The following ATP10A variants were observed in gnomAD, a reference collection of about 807,000 sequenced individuals.
ATP10A encodes phospholipid-transporting ATPase VA.
Under a neutral mutation model 147.8 loss-of-function variants are expected in ATP10A, and 111 were observed. That is an observed-to-expected ratio of 0.75 (90% CI 0.64 to 0.88). ATP10A has a LOEUF of 0.88. Ranked by LOEUF, ATP10A falls within the 40% of genes least tolerant of loss-of-function variation. ATP10A has a pLI of 0.00. For synonymous variants in ATP10A, 875 were observed against 841.6 expected (o/e 1.04, Z -0.69); for missense variants, 1,927 against 1,959.0 (o/e 0.98, Z 0.31).
Position 25,716,920 on chromosome 15 carries a change from T to C in ATP10A, c.1586A>G (p.Lys529Arg), listed in dbSNP as rs1304843153. The change falls in exon 9 of 21, where the codon AAG (lysine) becomes AGG (arginine). Residue 529 changes from lysine (K) to arginine (R), a missense_variant. Physicochemically the swap from Lys to Arg is conservative, Grantham distance 26. Coordinates refer to ENST00000555815, the MANE Select transcript of ATP10A (RefSeq NM_024490.4). ...CAGCTTTGGGTCGGGCGTGATATCCTTCTCCTGGGAGAAAGGGAGGCTGGC... is the reference window on the plus strand; with the variant it reads ...CAGCTTTGGGTCGGGCGTGATATCCCTCTCCTGGGAGAAAGGGAGGCTGGC... Reference protein sequence around the residue: ...KHTAFSSPMEKDITPDPKLLE... With the variant: ...KHTAFSSPMERDITPDPKLLE... 5 of 1,562,466 alleles carry C rather than the reference T, an allele frequency of 3.2e-6. No homozygotes were observed. Among genetic ancestry groups the C allele is most frequent in the Non-Finnish European group, 4.3e-6 (5 of 1,151,030 alleles).
chr15:25,682,575 G>A (rs1035103514), intron 17 of ATP10A, among the ~76,000 whole-genome samples: 3 of 152,186 alleles, frequency 2.0e-5, no homozygotes, highest in African/African-American at 7.2e-5. Flanking sequence ...GCCTGGCCAA[G>A]GATGGGAACT....
rs534429666 is a variant in ATP10A, at chr15:25,760,004, G to A, written c.654+21015C>T. 6.0e-5 allele frequency among the ~76,000 whole-genome samples: 9 copies of A among 149,864 alleles called. No homozygotes were observed. In the South Asian group the frequency reaches 6.3e-4, roughly 11 times the overall value. On this transcript the variant is annotated intron_variant, in intron 2 of 20. Transcript: ENST00000555815. ...TTTCTTTGAGATGAAGTCTCACTCC[G>A]TCGCCAGGCTGGAGTGCAGTGGCGC...
Position 25,686,487 on chromosome 15 carries a change from A to C in ATP10A, c.3291+1216T>G, listed in dbSNP as rs1477487381. Among the ~76,000 whole-genome samples the C allele has an allele frequency of 2.8e-5, 3 of 107,246 alleles. 1 individual carries two copies. The highest frequency in any genetic ancestry group is 5.0e-5 in the Non-Finnish European group (3 of 59,652). The allele number at this position is 107,246 out of a possible 152,430, so 70.4% of individuals were successfully genotyped here. On this transcript the variant is annotated intron_variant, in intron 16 of 20. Coordinates refer to ENST00000555815, the MANE Select transcript of ATP10A (RefSeq NM_024490.4). ...GGAGACAATAGTGACACCCTGTCTC[A>C]AAAAATAAAAATAAAATGAACATGA...
chr15:25,728,661 G>A (rs11639113), intron 3 of ATP10A, among the ~76,000 whole-genome samples: 144,815 of 152,312 alleles, frequency 0.95, 69,247 homozygotes, highest in East Asian at 1. Context: ...AATCGTCTCC[G>A]AGTTCAGGTT....
At chr15:25,792,731 G>A (rs989052362) in intron 1 of ATP10A, among the ~76,000 whole-genome samples, 7 of 152,230 alleles carry the variant, frequency 4.6e-5, no homozygotes, top group South Asian at 2.1e-4. Context: ...CAGGAGACTT[G>A]TTTGGAATGT....
intron 13 of ATP10A, among the ~76,000 whole-genome samples, chr15:25,699,100 A>T (rs1441719991): frequency 6.6e-6 from 1 of 152,196 alleles, no homozygotes; most frequent in Non-Finnish European, 1.5e-5. Flanking sequence ...TTTAAAATTC[A>T]TATACGAAGG....
rs183089908 is a variant in ATP10A, at chr15:25,830,296, G to T, written c.449+32352C>A. On this transcript the variant is annotated intron_variant, in intron 1 of 20. Coordinates refer to ENST00000555815, the MANE Select transcript of ATP10A (RefSeq NM_024490.4). ...GCCAGGCTCCACTCTCCTAAGGGGT[G>T]CTCTGCAGAGCCACCTTGGGAAGTC... Among the ~76,000 whole-genome samples, 275 of 152,270 alleles carry T rather than the reference G, an allele frequency of 1.8e-3. 3 individuals are homozygous for T. The highest frequency in any genetic ancestry group is 5.6e-4 in the Non-Finnish European group (38 of 68,010).
intron 1 of ATP10A, among the ~76,000 whole-genome samples, chr15:25,815,130 CCAGGCACT>C (rs1290623429): frequency 6.6e-6 from 1 of 152,144 alleles, no homozygotes; most frequent in African/African-American, 2.4e-5. Context: ...CATCACACCA[CCAGGCACT>C]CAGAAGTTAC....
chr15:25,705,454 C>CAAAAAAAAAAAAAAAAAAAAAAAAAAA, intron 12 of ATP10A, among the ~76,000 whole-genome samples: 1 of 82,002 alleles, frequency 1.2e-5, no homozygotes, highest in Non-Finnish European at 2.7e-5. Flanking sequence ...AAAAAAAAAA[C>CAAAAAAAAAAAAAAAAAAAAAAAAAAA]AAAAAAAAAA....
intron 1 of ATP10A, among the ~76,000 whole-genome samples, chr15:25,784,610 C>T (rs960085074): frequency 1.3e-5 from 2 of 152,204 alleles, no homozygotes; most frequent in African/African-American, 4.8e-5. Context: ...TCATGGGCTG[C>T]AGAAAGGACG....
At chr15:25,693,311 C>T (rs897497379) in intron 14 of ATP10A, among the ~76,000 whole-genome samples, 4 of 152,192 alleles carry the variant, frequency 2.6e-5, no homozygotes, top group African/African-American at 7.2e-5. Flanking sequence ...GTGTGAACCA[C>T]GTGCCCAGCC....
chr15:25,846,931 T>C (rs1004944057), intron 1 of ATP10A, among the ~76,000 whole-genome samples: 2 of 152,224 alleles, frequency 1.3e-5, no homozygotes, highest in African/African-American at 4.8e-5. Flanking sequence ...ACCCCCACTT[T>C]GGGTGCACAT....
At chr15:25,823,429 A>T (rs1425832213) in intron 1 of ATP10A, among the ~76,000 whole-genome samples, 1 of 152,252 alleles carries the variant, frequency 6.6e-6, no homozygotes, top group East Asian at 1.9e-4. Context: ...AGTGGCCTGC[A>T]CAAGTTCAAA....
At chr15:25,768,529 GCT>G (rs1021853780) in intron 2 of ATP10A, among the ~76,000 whole-genome samples, 1 of 138,324 alleles carries the variant, frequency 7.2e-6, no homozygotes, top group African/African-American at 2.7e-5. Context: ...TCTCAGCAGA[GCT>G]CTCTCTCTCT....
intron 2 of ATP10A, among the ~76,000 whole-genome samples, chr15:25,762,204 T>C (rs1443901954): frequency 6.6e-6 from 1 of 152,182 alleles, no homozygotes; most frequent in Non-Finnish European, 1.5e-5. Context: ...TCAGCCATGA[T>C]TATAAGTTTC....
intron 2 of ATP10A, among the ~76,000 whole-genome samples, chr15:25,776,286 C>T (rs1469916075): frequency 6.6e-6 from 1 of 152,202 alleles, no homozygotes; most frequent in African/African-American, 2.4e-5. Context: ...GCAGACACCC[C>T]ACGCAAAGTG....
chr15:25,802,818 G>A (rs564996920), intron 1 of ATP10A, among the ~76,000 whole-genome samples: 3 of 152,150 alleles, frequency 2.0e-5, no homozygotes, highest in African/African-American at 7.2e-5. Flanking sequence ...AATCTATCTC[G>A]AGGTCACTGA....
At chr15:25,694,584 A>G (rs568831624) in intron 14 of ATP10A, among the ~76,000 whole-genome samples, 1 of 152,352 alleles carries the variant, frequency 6.6e-6, no homozygotes, top group African/African-American at 2.4e-5. Context: ...GCCGTAAAGC[A>G]GCACCGGATT....
chr15:25,717,290 A>C (rs961476793), intron 8 of ATP10A, among the ~76,000 whole-genome samples: 2 of 152,230 alleles, frequency 1.3e-5, no homozygotes, highest in Non-Finnish European at 2.9e-5. Context: ...ACATTTTAAC[A>C]ACTTGAAAAT....
Sources: gnomAD v4.1 joint callset for allele counts (sites outside exome capture counted in the v4.1 genomes callset) on GRCh38, gnomAD v4.1.1 for gene constraint, MANE v1.5 for transcripts, NCBI Gene and HGNC (gene_info 2026-07-23, HGNC 2026-07-21) for gene names.